The following ASCC1 variants were observed in gnomAD, a reference collection of about 807,000 sequenced individuals.
The protein encoded by ASCC1 is activating signal cointegrator 1 complex subunit 1.
Under a neutral mutation model 46.6 loss-of-function variants are expected in ASCC1, and 35 were observed. That is an observed-to-expected ratio of 0.75 (90% confidence interval 0.57 to 0.99). The LOEUF (loss-of-function observed/expected upper bound fraction) is 0.99. Among genes scored for constraint, ASCC1 ranks in the 50% least tolerant of loss-of-function variants. The probability of loss-of-function intolerance (pLI) is 0.00; values close to 1 mark genes in which losing one functional copy is unlikely to be tolerated. For synonymous variants in ASCC1, 143 were observed against 146.6 expected, an observed-to-expected ratio of 0.98 and a Z score of 0.18; for missense variants, 376 against 428.7, an observed-to-expected ratio of 0.88 and a Z score of 1.09.
intron 9 of ASCC1, among the ~76,000 whole-genome samples, chr10:72,126,217 C>A (rs1225007939): frequency 6.6e-6 from 1 of 152,180 alleles, no homozygotes; most frequent in African/African-American, 2.4e-5. Flanking sequence ...TACTAACTAG[C>A]GGTACCTCTG....
At chr10:72,158,666 G>A (rs1280736647) in intron 6 of ASCC1, among the ~76,000 whole-genome samples, 1 of 152,040 alleles carries the variant, frequency 6.6e-6, no homozygotes, top group Non-Finnish European at 1.5e-5. Flanking sequence ...CTTCAATATA[G>A]CCATACAGCT....
At chr10:72,122,545 G>T (rs1349378280) in intron 9 of ASCC1, among the ~76,000 whole-genome samples, 2 of 152,026 alleles carry the variant, frequency 1.3e-5, no homozygotes, top group Non-Finnish European at 2.9e-5. Context: ...ATTTTGTGAG[G>T]CTGAGTGCTT....
chr10:72,188,882 G>A (rs1022900504), intron 5 of ASCC1, among the ~76,000 whole-genome samples: 4 of 151,726 alleles, frequency 2.6e-5, no homozygotes, highest in African/African-American at 7.3e-5. Flanking sequence ...TCAGCCTCCC[G>A]AGTAGTTAAA....
intron 4 of ASCC1, among the ~76,000 whole-genome samples, chr10:72,201,465 G>A (rs1243830145): frequency 3.3e-5 from 5 of 152,172 alleles, no homozygotes; most frequent in East Asian, 1.9e-4. Flanking sequence ...AAGGAGGATC[G>A]CTCAAGCCCA....
intron 6 of ASCC1, among the ~76,000 whole-genome samples, chr10:72,153,810 C>G (rs1848647831): frequency 6.6e-6 from 1 of 151,966 alleles, no homozygotes; most frequent in South Asian, 2.1e-4. Flanking sequence ...CAACCTCCAC[C>G]TCCTAGATTC....
intron 7 of ASCC1, among the ~76,000 whole-genome samples, chr10:72,137,194 G>A (rs555478687): frequency 6.6e-6 from 1 of 151,960 alleles, no homozygotes; most frequent in South Asian, 2.1e-4. Context: ...GGGACGACAG[G>A]TGTGAGCCAC....
At chr10:72,127,660 G>GTTCCTTT (rs1564615194) in intron 9 of ASCC1, among the ~76,000 whole-genome samples, 3 of 86,900 alleles carry the variant, frequency 3.5e-5, no homozygotes, top group African/African-American at 1.6e-4. Flanking sequence ...ATACCTAAGG[G>GTTCCTTT]TTTCTTTTTT....
intron 9 of ASCC1, among the ~76,000 whole-genome samples, chr10:72,102,099 C>T (rs1289127632): frequency 1.3e-5 from 2 of 152,024 alleles, no homozygotes; most frequent in Non-Finnish European, 2.9e-5. Flanking sequence ...ACATGTTTAC[C>T]TGTGTAACAA....
chr10:72,182,645 G>A (rs1852793386), intron 5 of ASCC1, among the ~76,000 whole-genome samples: 1 of 151,934 alleles, frequency 6.6e-6, no homozygotes, highest in South Asian at 2.1e-4. Context: ...ATTCAGAAAG[G>A]GTATGAAAAT....
chr10:72,208,589 AC>A (rs1193109762), intron 3 of ASCC1, among the ~76,000 whole-genome samples: 1 of 151,940 alleles, frequency 6.6e-6, no homozygotes, highest in Admixed American at 6.6e-5. Context: ...GTAAAACCCC[AC>A]CTCTACTAAA....
chr10:72,195,508 CA>C (rs1202963565), intron 5 of ASCC1, among the ~76,000 whole-genome samples: 1 of 150,414 alleles, frequency 6.6e-6, no homozygotes, highest in Non-Finnish European at 1.5e-5. Flanking sequence ...ATTACGCTTT[CA>C]AAAAAACTAG....
chr10:72,159,580 T>C (rs924094648), intron 6 of ASCC1, among the ~76,000 whole-genome samples: 2 of 152,188 alleles, frequency 1.3e-5, no homozygotes, highest in African/African-American at 4.8e-5. Context: ...CATTAAAGTA[T>C]CAGAACTGAT....
intron 7 of ASCC1, among the ~76,000 whole-genome samples, chr10:72,151,713 G>A (rs1237099503): frequency 4.0e-5 from 6 of 149,742 alleles, no homozygotes; most frequent in South Asian, 2.1e-4. Flanking sequence ...TTTTTTAGAC[G>A]GAGTCTCGCT....
chr10:72,144,624 T>A (rs1025727650), intron 7 of ASCC1, among the ~76,000 whole-genome samples: 2 of 152,150 alleles, frequency 1.3e-5, no homozygotes, highest in African/African-American at 4.8e-5. Context: ...ATTTACACTA[T>A]TTTTAGACTT....
chr10:72,110,590 C>T (rs1842819844), intron 9 of ASCC1, among the ~76,000 whole-genome samples: 1 of 151,954 alleles, frequency 6.6e-6, no homozygotes, highest in Non-Finnish European at 1.5e-5. Context: ...AGTTCGAGAC[C>T]AGCCTAACCA....
chr10:72,207,422 A>G (rs1224261733), intron 3 of ASCC1, among the ~76,000 whole-genome samples: 1 of 152,220 alleles, frequency 6.6e-6, no homozygotes, highest in East Asian at 1.9e-4. Context: ...TCAAAATAAT[A>G]AAATAAATAA....
At chr10:72,190,119 T>C in intron 5 of ASCC1, 12 of 760,244 alleles carry the variant, frequency 1.6e-5, no homozygotes, top group South Asian at 1.5e-4. Context: ...CAAGGTTACA[T>C]TATATATAGG....
chr10:72,098,942 G>A (rs1841406256), intron 9 of ASCC1, among the ~76,000 whole-genome samples: 2 of 152,176 alleles, frequency 1.3e-5, no homozygotes, highest in Non-Finnish European at 2.9e-5. Flanking sequence ...TCCCTTTGCT[G>A]AACACTAATT....
rs182226051 is a variant in ASCC1, at chr10:72,196,470, C to T, written c.489+341G>A. 8.8e-4 allele frequency among the ~76,000 whole-genome samples: 133 copies of T among 151,974 alleles called. 1 individual carries two copies. In the Middle Eastern group the frequency reaches 0.01, roughly 12 times the overall value. ...ATTTTTTTTGTATTTTTAGTAGAGACGGGGTTTCACCATGTTGCCCAGGCT... is the reference window on the plus strand; with the variant it reads ...ATTTTTTTTGTATTTTTAGTAGAGATGGGGTTTCACCATGTTGCCCAGGCT... On this transcript the variant is annotated intron_variant, in intron 5 of 9. Coordinates refer to ENST00000672957, the MANE Select transcript of ASCC1 (RefSeq NM_001198800.3).
Sources: gnomAD v4.1 joint callset for allele counts (sites outside exome capture counted in the v4.1 genomes callset) on GRCh38, gnomAD v4.1.1 for gene constraint, MANE v1.5 for transcripts, NCBI Gene and HGNC (gene_info 2026-07-23, HGNC 2026-07-21) for gene names.